TDG: variants seen among roughly 807,000 people sequenced by gnomAD.
TDG encodes the protein thymine DNA glycosylase.
TDG carries 23 observed loss-of-function variants against 46.1 expected under a neutral mutation model. That is an observed-to-expected ratio of 0.50 (90% CI 0.36 to 0.71). The LOEUF (loss-of-function observed/expected upper bound fraction) is 0.71, where lower values mean the gene tolerates loss of function less well. Among genes scored for constraint, TDG ranks in the 30% least tolerant of loss-of-function variants. The pLI, the probability that TDG is intolerant of heterozygous loss-of-function variation, is 0.00. For synonymous variants in TDG, 115 were observed against 161.3 expected (o/e 0.71, Z 2.18); for missense variants, 304 against 486.7 (o/e 0.62, Z 3.53).
chr12:103,982,278 T>C (rs1031994243), intron 4 of TDG, among the ~76,000 whole-genome samples: 9 of 152,342 alleles, frequency 5.9e-5, no homozygotes, highest in Middle Eastern at 3.4e-3. Context: ...TTTGGACTTT[T>C]GACTTTCTTC....
chr12:103,975,540 T>C (rs938776709), intron 1 of TDG, among the ~76,000 whole-genome samples: 6 of 152,210 alleles, frequency 3.9e-5, no homozygotes, highest in Non-Finnish European at 8.8e-5. Context: ...GAGGCAGCAC[T>C]TGTGACAGAG....
chr12:103,987,369 G>A lies in TDG; in HGVS notation c.*279G>A, dbSNP rs1872220614. The A allele has an allele frequency of 2.6e-6, 1 of 390,672 alleles. No homozygotes were observed. The highest frequency in any genetic ancestry group is 4.7e-6 in the Non-Finnish European group (1 of 212,272). The allele number at this position is 390,672 out of a possible 1,614,324, so 24.2% of individuals were successfully genotyped here. A position where few individuals can be genotyped will look rare whatever the true frequency, so the allele number is the denominator to read the frequency against. ...TGAAGAAATTGATTTTCTTTTGGGA[G>A]TCACTTTTAATCTGTAATTTTAAAA... On this transcript the variant is annotated 3_prime_UTR_variant, in exon 10 of 10. Transcript: ENST00000392872.
intron 4 of TDG, among the ~76,000 whole-genome samples, chr12:103,981,592 A>G (rs1871838154): frequency 6.6e-6 from 1 of 152,186 alleles, no homozygotes; most frequent in Non-Finnish European, 1.5e-5. Context: ...AGGCATAGTA[A>G]CGATAGTATA....
intron 1 of TDG, among the ~76,000 whole-genome samples, chr12:103,966,272 A>C (rs1215871145): frequency 6.6e-6 from 1 of 152,144 alleles, no homozygotes; most frequent in Non-Finnish European, 1.5e-5. Context: ...TACCTGGTGC[A>C]CCTGGACCCT....
rs1021067770 is a variant in TDG at position 103,966,121 on chromosome 12, G to T, written c.23+61G>T. 3.1e-6 allele frequency: 4 copies of T among 1,295,082 alleles called. No homozygotes were observed. In the African/African-American group the frequency reaches 6.3e-5, roughly 20 times the overall value. 80.2% of individuals were successfully genotyped at this position (1,295,082 alleles called of 1,614,324 possible). The stretch of plus-strand genomic sequence containing the variant: ...CCCTCACTGCTGGGCAGGCTGGCTG[G>T]CGCGCGCGCGCGCACGCAGGGGTCT... On this transcript the variant is annotated intron_variant, in intron 1 of 9. Coordinates refer to ENST00000392872, the MANE Select transcript of TDG (RefSeq NM_003211.6).
intron 5 of TDG, 57 bp downstream of exon 5, chr12:103,982,991 A>C (rs1313558759): frequency 3.7e-6 from 6 of 1,603,960 alleles, no homozygotes; most frequent in Middle Eastern, 1.7e-4. Context: ...TGGTGCCCCA[A>C]ATATTCTAGG....
intron 4 of TDG, 85 bp from the exon 5 acceptor site, chr12:103,982,714 A>G (rs1871903654): frequency 1.4e-6 from 2 of 1,451,020 alleles, no homozygotes; most frequent in Non-Finnish European, 1.9e-6. Context: ...GCACTGAGCC[A>G]TGATCGTGCC....
In TDG at chr12:103,986,883, T is replaced by C. The variant is rs1872178601; in HGVS notation, c.1091-65T>C. 5 of 1,571,696 alleles carry C rather than the reference T, an allele frequency of 3.2e-6. No individual in the cohort carries two copies. The Admixed American group carries it at 8.4e-5, about 26-fold the overall frequency. ...CTGGGCGATAGAGTAAGACCCAGTC[T>C]CTACTTTAAAAAAAGCAAATATTTC... On this transcript the variant is annotated intron_variant, in intron 9 of 9. Coordinates refer to ENST00000392872, the MANE Select transcript of TDG (RefSeq NM_003211.6).
At chr12:103,980,294 C>A in intron 3 of TDG, 1 of 574,402 alleles carries the variant, frequency 1.7e-6, no homozygotes, top group Non-Finnish European at 2.9e-6. Context: ...CAAGTATAAT[C>A]TTGGATAAGT....
Position 103,988,507 on chromosome 12 carries a change from G to A in TDG, c.*1417G>A, listed in dbSNP as rs1284058247. ...TGCTGTTTACATGGACGTTTTGTGC[G>A]GGTGCTTTGAAGTGCCTTGCATCAG... is the stretch of plus-strand genomic sequence containing the variant. On this transcript the variant is annotated 3_prime_UTR_variant, in exon 10 of 10. Coordinates refer to ENST00000392872, the MANE Select transcript of TDG (RefSeq NM_003211.6). The A allele has an allele frequency of 8.5e-5, 13 of 152,884 alleles. No homozygotes were observed. Among genetic ancestry groups the A allele is most frequent in the Admixed American group, 7.8e-4 (12 of 15,314 alleles). 9.5% of individuals were successfully genotyped at this position (152,884 alleles called of 1,614,324 possible).
chr12:103,977,094 A>G (rs1429734907), intron 2 of TDG, 34 bp downstream of exon 2: 6 of 1,580,828 alleles, frequency 3.8e-6, no homozygotes, highest in Non-Finnish European at 5.1e-6. Flanking sequence ...AAAGTTCAAC[A>G]TCGGATCAGC....
chr12:103,983,775 A>G (rs564902703), intron 7 of TDG, among the ~76,000 whole-genome samples: 1 of 152,340 alleles, frequency 6.6e-6, no homozygotes, highest in Non-Finnish European at 1.5e-5. Context: ...CAGTTGCCCC[A>G]TTTATATATC....
chr12:103,986,250 C>T (rs1181665542), intron 9 of TDG: 1 of 152,094 alleles, frequency 6.6e-6, no homozygotes, highest in Non-Finnish European at 1.5e-5. Context: ...GTCATGAACT[C>T]TAGGCCATCC....
chr12:103,986,631 CGATCCCGG>C (rs1872167398), intron 9 of TDG: 1 of 208,300 alleles, frequency 4.8e-6, no homozygotes, highest in Non-Finnish European at 1.0e-5. Flanking sequence ...TGCCTCTCCT[CGATCCCGG>C]GAGGCAGAGG....
At chr12:103,970,748 TA>T (rs35491659) in intron 1 of TDG, among the ~76,000 whole-genome samples, 135,311 of 150,534 alleles carry the variant, frequency 0.9, 60,889 homozygotes, top group East Asian at 1. Context: ...CCCCATCTCT[TA>T]AAAAAAAAAT....
In TDG at chr12:103,987,655, A is replaced by G. The variant is rs1341303612; in HGVS notation, c.*565A>G. ...CAGTGGTGTTTGTGAGTTGCTCAGT[A>G]GTAAAAACTGGCCCTTACCTGACAG... On this transcript the variant is annotated 3_prime_UTR_variant, in exon 10 of 10. Coordinates refer to ENST00000392872, the MANE Select transcript of TDG (RefSeq NM_003211.6). 1.3e-5 allele frequency: 2 copies of G among 153,184 alleles called. No homozygotes were observed. The highest frequency in any genetic ancestry group is 1.9e-4 in the East Asian group (1 of 5,220). 9.5% of individuals were successfully genotyped at this position (153,184 alleles called of 1,614,324 possible). A position where few individuals can be genotyped will look rare whatever the true frequency, so the allele number is the denominator to read the frequency against.
At chr12:103,981,053 GA>G (rs4135098) in intron 4 of TDG, 91 bp downstream of exon 4, 1 of 1,112,724 alleles carries the variant, frequency 9.0e-7, no homozygotes, top group Non-Finnish European at 1.3e-6. Context: ...TTTTTAAAAA[GA>G]AAGAGACTGT....
intron 1 of TDG, among the ~76,000 whole-genome samples, chr12:103,973,693 T>G (rs1871380552): frequency 6.6e-6 from 1 of 152,250 alleles, no homozygotes; most frequent in Admixed American, 6.5e-5. Flanking sequence ...GACATTTTAC[T>G]TTGTGCCAGG....
chr12:103,979,866 A>G lies in TDG; in HGVS notation c.202A>G (p.Thr68Ala), dbSNP rs559722243. 1.9e-6 allele frequency: 3 copies of G among 1,590,894 alleles called. No individual in the cohort carries two copies. Among genetic ancestry groups the G allele is most frequent in the Admixed American group, 3.8e-5 (2 of 53,316 alleles). Residue 68 changes from threonine (T) to alanine (A), a missense_variant, in exon 3 of 10, where the codon ACA (threonine) becomes GCA (alanine). Transcript: ENST00000392872. ...PKGRKRKPRT[T>A]EPKQPVEPKK... is the part of the protein sequence containing the mutation. ...AGGAAGAAAAAGAAAACCCAGAACAACAGAACCAAAACAACCAGTGGAACC... is the reference window on the plus strand; with the variant it reads ...AGGAAGAAAAAGAAAACCCAGAACAGCAGAACCAAAACAACCAGTGGAACC...
Sources: gnomAD v4.1 joint callset for allele counts (sites outside exome capture counted in the v4.1 genomes callset) on GRCh38, gnomAD v4.1.1 for gene constraint, MANE v1.5 for transcripts, NCBI Gene and HGNC (gene_info 2026-07-23, HGNC 2026-07-21) for gene names.